Variants in SIPA1L3 observed in about 807,000 individuals in gnomAD.
The protein encoded by SIPA1L3 is signal induced proliferation associated 1 like 3.
SIPA1L3 carries 59 observed loss-of-function variants against 150.1 expected under a neutral mutation model. The ratio of observed to expected loss-of-function variants is 0.39; its 90% CI spans 0.32 to 0.49. SIPA1L3 has a LOEUF of 0.49. Ranked by LOEUF, SIPA1L3 falls within the 20% of genes least tolerant of loss-of-function variation. The probability of loss-of-function intolerance (pLI) is 0.86; values close to 1 mark genes in which losing one functional copy is unlikely to be tolerated. For synonymous variants in SIPA1L3, 1,070 were observed against 1,077.6 expected, an observed-to-expected ratio of 0.99 and a Z score of 0.14; for missense variants, 2,211 against 2,489.5, an observed-to-expected ratio of 0.89 and a Z score of 2.38.
intron 1 of SIPA1L3, among the ~76,000 whole-genome samples, chr19:37,977,192 G>A (rs1484922793): frequency 6.6e-6 from 1 of 151,642 alleles, no homozygotes; most frequent in Non-Finnish European, 1.5e-5. Flanking sequence ...TGAGATGGAG[G>A]CTTGCTCTGT....
At chr19:37,937,741 C>CAAAAAAAAA (rs34881450) in intron 1 of SIPA1L3, among the ~76,000 whole-genome samples, 256 of 18,670 alleles carry the variant, frequency 0.014, 64 homozygotes, top group Non-Finnish European at 0.014. Flanking sequence ...AACCCTGTCT[C>CAAAAAAAAA]AAAAAAAAAA....
At chr19:38,066,463 C>G (rs1197836606) in intron 2 of SIPA1L3, among the ~76,000 whole-genome samples, 1 of 152,162 alleles carries the variant, frequency 6.6e-6, no homozygotes, top group Admixed American at 6.5e-5. Flanking sequence ...CATCGTGTAC[C>G]TTTCTTGACG....
intron 2 of SIPA1L3, among the ~76,000 whole-genome samples, chr19:38,045,056 C>G (rs1208065179): frequency 2.6e-5 from 4 of 152,142 alleles, no homozygotes; most frequent in Admixed American, 6.6e-5. Flanking sequence ...GGCTTCATGG[C>G]CCTCACCACC....
At chr19:38,067,526 G>C (rs977395251) in intron 2 of SIPA1L3, among the ~76,000 whole-genome samples, 17 of 152,244 alleles carry the variant, frequency 1.1e-4, no homozygotes, top group African/African-American at 3.8e-4. Flanking sequence ...ACTTTGGGAG[G>C]CCGAGGCGGG....
chr19:38,098,626 C>T (rs1970433189), intron 4 of SIPA1L3, among the ~76,000 whole-genome samples: 2 of 152,148 alleles, frequency 1.3e-5, no homozygotes, highest in Non-Finnish European at 2.9e-5. Context: ...AACTCCTGAC[C>T]TCAAGTGGTC....
intron 1 of SIPA1L3, among the ~76,000 whole-genome samples, chr19:37,991,515 G>A (rs1356556029): frequency 1.3e-5 from 2 of 152,210 alleles, no homozygotes; most frequent in Non-Finnish European, 2.9e-5. Flanking sequence ...CCTGAAGGCA[G>A]GAAGAAAGCT....
chr19:38,175,485 A>G (rs1255759762), intron 15 of SIPA1L3, among the ~76,000 whole-genome samples: 1 of 152,138 alleles, frequency 6.6e-6, no homozygotes, highest in Non-Finnish European at 1.5e-5. Flanking sequence ...TGACTCCAAC[A>G]AAATGTTAAA....
At chr19:38,192,424 G>A (rs551108696) in intron 17 of SIPA1L3, 114 bp downstream of exon 17, 160 of 1,006,302 alleles carry the variant, frequency 1.6e-4, no homozygotes, top group Admixed American at 3.7e-4. Context: ...CCTTCCCGTC[G>A]TGTCCCCAGC....
intron 1 of SIPA1L3, among the ~76,000 whole-genome samples, chr19:37,971,228 G>C (rs1966923699): frequency 6.6e-6 from 1 of 151,982 alleles, no homozygotes; most frequent in African/African-American, 2.4e-5. Context: ...TGATCCTCCT[G>C]TCTCTGCCTC....
At chr19:38,142,371 C>T (rs1460010067) in intron 11 of SIPA1L3, among the ~76,000 whole-genome samples, 1 of 152,178 alleles carries the variant, frequency 6.6e-6, no homozygotes, top group East Asian at 1.9e-4. Context: ...AGGAGCATCC[C>T]AGCTTCTCTC....
intron 3 of SIPA1L3, among the ~76,000 whole-genome samples, chr19:38,087,145 T>G (rs1261036560): frequency 6.6e-6 from 1 of 152,172 alleles, no homozygotes; most frequent in Admixed American, 6.6e-5. Context: ...CTGACTAAAG[T>G]TTGGCCAAGC....
At chr19:37,940,263 A>G (rs534166895) in intron 1 of SIPA1L3, among the ~76,000 whole-genome samples, 9 of 151,640 alleles carry the variant, frequency 5.9e-5, no homozygotes, top group African/African-American at 1.9e-4. Context: ...CCTGGGTGAC[A>G]GGCTAAAAAA....
chr19:38,193,833 TG>T, intron 18 of SIPA1L3, 53 bp downstream of exon 18: 1 of 1,478,366 alleles, frequency 6.8e-7, no homozygotes, highest in Non-Finnish European at 8.9e-7. Context: ...GGTTGGGAGG[TG>T]GGGATGCCCG....
chr19:38,060,429 G>A (rs569612980), intron 2 of SIPA1L3, among the ~76,000 whole-genome samples: 22 of 152,328 alleles, frequency 1.4e-4, no homozygotes, highest in Non-Finnish European at 2.1e-4. Context: ...TAAGGGTTTA[G>A]GCAGTGAGTT....
At chr19:37,928,935 C>T (rs2046529547) in intron 1 of SIPA1L3, among the ~76,000 whole-genome samples, 2 of 152,206 alleles carry the variant, frequency 1.3e-5, no homozygotes. Flanking sequence ...TGGTGTGTCT[C>T]CTGTGTCCCT....
intron 8 of SIPA1L3, among the ~76,000 whole-genome samples, chr19:38,116,781 G>A (rs962948378): frequency 1.3e-5 from 2 of 152,078 alleles, no homozygotes; most frequent in African/African-American, 4.8e-5. Flanking sequence ...CTGAACCCGG[G>A]AGGTGGAGGC....
chr19:37,922,274 G>T (rs2046463333), intron 1 of SIPA1L3, among the ~76,000 whole-genome samples: 1 of 151,794 alleles, frequency 6.6e-6, no homozygotes, highest in African/African-American at 2.4e-5. Context: ...TTTTAGTACA[G>T]ACGGGGTTTC....
intron 1 of SIPA1L3, among the ~76,000 whole-genome samples, chr19:37,955,841 G>C (rs353400): frequency 1.3e-5 from 2 of 152,056 alleles, no homozygotes; most frequent in South Asian, 2.1e-4. Context: ...GTTTGGGCTA[G>C]TATGAGTAGT....
rs183590609 is a variant in SIPA1L3, at chr19:38,114,756, G to A, written c.2291+4372G>A. Among the ~76,000 whole-genome samples the A allele has an allele frequency of 2.8e-3, 422 of 152,334 alleles. 1 individual carries two copies. The highest frequency in any genetic ancestry group is 9.3e-3 in the African/African-American group (385 of 41,582). Reference sequence around the variant, plus strand: ...TGTGCTGGGGAATCCACTAAGCCTAGGGCGGCATCCAGCCACGTGGCACTC... The same window carrying A: ...TGTGCTGGGGAATCCACTAAGCCTAAGGCGGCATCCAGCCACGTGGCACTC... On this transcript the variant is annotated intron_variant, in intron 8 of 21. Transcript: ENST00000222345.
Sources: gnomAD v4.1 joint callset for allele counts (sites outside exome capture counted in the v4.1 genomes callset) on GRCh38, gnomAD v4.1.1 for gene constraint, MANE v1.5 for transcripts, NCBI Gene and HGNC (gene_info 2026-07-23, HGNC 2026-07-21) for gene names.